Variants in CLCN2 observed in about 807,000 individuals in gnomAD.
The protein encoded by CLCN2 is chloride voltage-gated channel 2.
A neutral mutation model predicts 108.3 loss-of-function variants in CLCN2; 72 were observed. The ratio of observed to expected loss-of-function variants is 0.66; its 90% CI spans 0.55 to 0.81. The LOEUF is 0.81. CLCN2 is among the 30% of genes least tolerant of loss of function. The probability of loss-of-function intolerance (pLI) is 0.00; values close to 1 mark genes in which losing one functional copy is unlikely to be tolerated. For synonymous variants in CLCN2, 471 were observed against 467.1 expected (o/e 1.01, Z -0.11); for missense variants, 1,048 against 1,205.2 (o/e 0.87, Z 1.93).
In CLCN2 at chr3:184,355,220, A is replaced by G. The variant is rs896328286; in HGVS notation, c.1326+154T>C. 9 of 900,044 alleles carry G rather than the reference A, an allele frequency of 1.0e-5. No homozygotes were observed. The highest frequency in any genetic ancestry group is 5.9e-5 in the Admixed American group (3 of 51,114). 55.8% of individuals were successfully genotyped at this position (900,044 alleles called of 1,614,324 possible). A position where few individuals can be genotyped will look rare whatever the true frequency, so the allele number is the denominator to read the frequency against. On this transcript the variant is annotated intron_variant, in intron 12 of 23. Transcript: ENST00000265593. This position sits in a 1 kb window ranked among gnomAD's most constrained non-coding sequence, Gnocchi z 6.3. ...CTAGCTGTGTGACTTTGGGCCAGCT[A>G]CTTGTGTTTCGACTCCCCCATCTTT...
intron 3 of CLCN2, 69 bp from the exon 4 acceptor site, chr3:184,358,379 T>C: frequency 6.2e-7 from 1 of 1,604,928 alleles, no homozygotes; most frequent in Non-Finnish European, 8.5e-7. Flanking sequence ...TGGACCACGC[T>C]GATACGACAG....
At chr3:184,358,456 C>A in intron 3 of CLCN2, 146 bp from the exon 4 acceptor site, 1 of 1,282,398 alleles carries the variant, frequency 7.8e-7, no homozygotes, top group Non-Finnish European at 1.1e-6. Context: ...AGGGTATTCA[C>A]TGGGACAAAG....
At position 184,346,607 on chromosome 3, in the gene CLCN2, C is replaced by G; in HGVS notation, c.2696G>C (p.Ter899SerextTer84). ...SPSDSDDKCQ* is the reference protein window; with the variant it reads ...SPSDSDDKCQS ...CATCCTAGGCCACCCACGAGGGGCT[C>G]ATTGGCATTTGTCGTCGCTGTCGGA... The change falls in exon 24 of 24, where the codon TGA becomes TCA. Residue 899 changes from the stop codon to serine, a stop_lost. Coordinates refer to ENST00000265593, the MANE Select transcript of CLCN2 (RefSeq NM_004366.6). This position sits in a 1 kb window ranked among gnomAD's most constrained non-coding sequence, Gnocchi z 6.0. 1.9e-6 allele frequency: 3 copies of G among 1,613,992 alleles called. No individual in the cohort carries two copies. The highest frequency in any genetic ancestry group is 2.5e-6 in the Non-Finnish European group (3 of 1,180,030).
chr3:184,351,510 C>T (rs1315996824), intron 22 of CLCN2, among the ~76,000 whole-genome samples: 1 of 152,242 alleles, frequency 6.6e-6, no homozygotes, highest in African/African-American at 2.4e-5. Flanking sequence ...GGCAGACTTT[C>T]TGGGGTCTGG....
In CLCN2 at chr3:184,357,860, C is replaced by A. The variant is rs144112796; in HGVS notation, c.616-4G>T. On this transcript the variant is annotated splice_region_variant and splice_polypyrimidine_tract_variant and intron_variant, in intron 5 of 23. Transcript: ENST00000265593. ...TTGCGATATGCACAAAAGGGCCCTG[C>A]GGGGTGGGGCAGGCGGTGAGTCGGG... 8 of 1,613,644 alleles carry A rather than the reference C, an allele frequency of 5.0e-6. No homozygotes were observed. Among genetic ancestry groups the A allele is most frequent in the African/African-American group, 1.3e-5 (1 of 74,932 alleles).
intron 19 of CLCN2, 79 bp downstream of exon 19, chr3:184,352,658 A>G: frequency 6.6e-7 from 1 of 1,519,672 alleles, no homozygotes; most frequent in Non-Finnish European, 9.1e-7. Flanking sequence ...CAGGCACTGC[A>G]GGGTTAATGA....
rs774433405 is a variant in CLCN2 at position 184,354,226 on chromosome 3, C to A, written c.1596G>T (p.Leu532=). 5.6e-6 allele frequency: 9 copies of A among 1,613,352 alleles called. No homozygotes were observed. The South Asian group carries it at 9.9e-5, about 18-fold the overall frequency. The change falls in exon 15 of 24, where the codon CTG becomes CTT. Residue 532 remains leucine (L), a synonymous_variant. Coordinates refer to ENST00000265593, the MANE Select transcript of CLCN2 (RefSeq NM_004366.6). ...FELTGQIAHI[L]PVMIAVILAN... ...CCAGGATGACGGCGATCATGACAGG[C>A]AGGATGTGGGCAATCTGGCCTGTGA... is the stretch of plus-strand genomic sequence containing the variant.
rs1205890498 is a variant in CLCN2, at chr3:184,355,802, G to A, written c.1086-24C>T. 6.2e-7 allele frequency: 1 copy of A among 1,608,332 alleles called. No individual in the cohort carries two copies. The highest frequency in any genetic ancestry group is 1.1e-5 in the South Asian group (1 of 90,736). ...GTCTAGAGTCGTAGGTTTCACATCA[G>A]TCGTGGGTGGCCAAGGGCTGGGTGG... On this transcript the variant is annotated intron_variant, in intron 10 of 23. Transcript: ENST00000265593. The surrounding 1 kb of genome is among the most constrained non-coding windows in gnomAD (Gnocchi z 6.3).
Position 184,352,442 on chromosome 3 carries a change from C to A in CLCN2, c.2271+1G>T, listed in dbSNP as rs754847405. On this transcript the variant is annotated splice_donor_variant, in intron 20 of 23. Transcript: ENST00000265593. LOFTEE classifies it high-confidence loss of function. ...GATGCTAGAAGAGCAGGCATACTTA[C>A]TGCCAGGGAGATTCGGACACGCTTC... The A allele has an allele frequency of 6.2e-7, 1 of 1,613,334 alleles. No homozygotes were observed. The highest frequency in any genetic ancestry group is 8.5e-7 in the Non-Finnish European group (1 of 1,179,892).
Position 184,353,581 on chromosome 3 carries a change from C to A in CLCN2, c.1855+81G>T, listed in dbSNP as rs1201884888. The stretch of plus-strand genomic sequence containing the variant: ...TCCATTCCCTTTGGAACCAAGGAGA[C>A]TGGTCCTGAGCTCCCTGCCCCTTCC... On this transcript the variant is annotated intron_variant, in intron 16 of 23. Transcript: ENST00000265593. 22 of 1,589,068 alleles carry A rather than the reference C, an allele frequency of 1.4e-5. No individual in the cohort carries two copies. The East Asian group carries it at 5.0e-4, about 36-fold the overall frequency.
chr3:184,353,761 G>A lies in CLCN2; in HGVS notation c.1756C>T (p.Arg586Trp), dbSNP rs151225174. The change falls in exon 16 of 24, where the codon CGG (arginine) becomes TGG (tryptophan). Residue 586 changes from arginine to tryptophan, a missense_variant. Arg to Trp is a moderately radical substitution (Grantham distance 101). Coordinates refer to ENST00000265593, the MANE Select transcript of CLCN2 (RefSeq NM_004366.6). ...YRVRVEDIMV[R>W]DVPHVALSCT... is the part of the protein sequence containing the mutation. ...CTGAGGGCCACATGGGGAACATCCC[G>A]CACCATGATGTCCTCCACACGCACC... 6.8e-5 allele frequency: 110 copies of A among 1,606,168 alleles called. No individual in the cohort carries two copies. The highest frequency in any genetic ancestry group is 2.9e-4 in the African/African-American group (22 of 74,840).
Position 184,353,288 on chromosome 3 carries a change from C to T in CLCN2, c.1990G>A (p.Glu664Lys), listed in dbSNP as rs150698157. Residue 664 changes from glutamate to lysine, a missense_variant, in exon 17 of 24, where the codon GAG becomes AAG. Physicochemically the swap from Glu to Lys is moderately conservative, Grantham distance 56. Coordinates refer to ENST00000265593, the MANE Select transcript of CLCN2 (RefSeq NM_004366.6). ...GAAGCCTCAGGGGTAGGGGGACCCT[C>T]CTGATCAGATAGTGGAGAGGTCTGG... ...ATQTSPLSDQ[E>K]GPPTPEASVC... is the part of the protein sequence containing the mutation. 2 of 1,613,802 alleles carry T rather than the reference C, an allele frequency of 1.2e-6. No individual in the cohort carries two copies. Among genetic ancestry groups the T allele is most frequent in the Non-Finnish European group, 1.7e-6 (2 of 1,180,030 alleles).
At chr3:184,350,318 G>C (rs148328737) in intron 22 of CLCN2, among the ~76,000 whole-genome samples, 6 of 152,256 alleles carry the variant, frequency 3.9e-5, no homozygotes, top group Non-Finnish European at 8.8e-5. Context: ...TGACTCTGCT[G>C]TGCTGACTCA....
chr3:184,352,754 G>A lies in CLCN2; in HGVS notation c.2200C>T (p.Pro734Ser), dbSNP rs558074883. The change falls in exon 19 of 24, where the codon CCT becomes TCT. Residue 734 changes from proline to serine, a missense_variant. Pro to Ser is a moderately conservative substitution (Grantham distance 74). Transcript: ENST00000265593. The stretch of plus-strand genomic sequence containing the variant: ...CCACTCACCTCCGAAGCAGCCTCAG[G>A]GGGTGGACTGCCACAGAAGAGGCTC... ...LRSLFCGSPP[P>S]EAASEKLESC... The A allele has an allele frequency of 4.3e-6, 7 of 1,613,090 alleles. No individual in the cohort carries two copies. The East Asian group carries it at 6.7e-5, about 15-fold the overall frequency.
chr3:184,346,503 C>T lies in CLCN2; in HGVS notation c.*103G>A. 7.2e-7 allele frequency: 1 copy of T among 1,388,326 alleles called. No individual in the cohort carries two copies. The highest frequency in any genetic ancestry group is 1.0e-6 in the Non-Finnish European group (1 of 994,772). 86.0% of individuals were successfully genotyped at this position (1,388,326 alleles called of 1,614,324 possible). On this transcript the variant is annotated 3_prime_UTR_variant, in exon 24 of 24. Coordinates refer to ENST00000265593, the MANE Select transcript of CLCN2 (RefSeq NM_004366.6). The surrounding 1 kb of genome is among the most constrained non-coding windows in gnomAD (Gnocchi z 6.0). ...CTGGAGGGGGCTGGGGTGCAGCCTC[C>T]AGCTGTAGCTGCCTCCTGCCTTCCG... is the stretch of plus-strand genomic sequence containing the variant.
chr3:184,360,384 C>G (rs554494913), intron 1 of CLCN2, among the ~76,000 whole-genome samples: 229 of 152,186 alleles, frequency 1.5e-3, no homozygotes, highest in African/African-American at 5.3e-3. Flanking sequence ...GGCCAGGTGC[C>G]TGGCTTCCTT....
Position 184,357,063 on chromosome 3 carries a change from C to T in CLCN2, c.1015G>A (p.Val339Ile). ...IASGFGGALF[V>I]YLNRKIVQVM... is the part of the protein sequence containing the mutation. ...TGGACAATCTTCCGGTTCAGGTAGA[C>T]AAAGAGGGCTCCACCGAAGCCACTA... Residue 339 changes from valine (V) to isoleucine (I), a missense_variant, in exon 10 of 24, where the codon GTC becomes ATC. Coordinates refer to ENST00000265593, the MANE Select transcript of CLCN2 (RefSeq NM_004366.6). The T allele has an allele frequency of 1.2e-6, 2 of 1,613,724 alleles. No homozygotes were observed. Among genetic ancestry groups the T allele is most frequent in the South Asian group, 1.1e-5 (1 of 90,966 alleles).
intron 22 of CLCN2, among the ~76,000 whole-genome samples, chr3:184,350,010 A>C (rs1381579455): frequency 6.6e-6 from 1 of 152,128 alleles, no homozygotes; most frequent in Non-Finnish European, 1.5e-5. Flanking sequence ...TTGGGCGACT[A>C]CCTATTGATT....
At chr3:184,354,384 T>G (rs1018965671) in intron 14 of CLCN2, 70 bp from the exon 15 acceptor site, 1 of 1,499,520 alleles carries the variant, frequency 6.7e-7, no homozygotes, top group Non-Finnish European at 9.2e-7. Context: ...CCAGGGCAGG[T>G]CCTGAGTGGG....
Sources: gnomAD v4.1 joint callset for allele counts (sites outside exome capture counted in the v4.1 genomes callset) on GRCh38, gnomAD v4.1.1 for gene constraint, Gnocchi (gnomAD v3.1) non-coding constraint, MANE v1.5 for transcripts, NCBI Gene and HGNC (gene_info 2026-07-23, HGNC 2026-07-21) for gene names.